The following SORCS2 variants were observed in gnomAD, a reference collection of about 807,000 sequenced individuals.
SORCS2 encodes the protein VPS10 domain-containing receptor SorCS2.
SORCS2 carries 100 observed loss-of-function variants against 141.6 expected under a neutral mutation model. The observed-to-expected ratio is 0.71, with a 90% CI of 0.60 to 0.83. The LOEUF is 0.83. SORCS2 is among the 40% of genes least tolerant of loss of function. SORCS2 has a pLI of 0.00. For missense variants in SORCS2, 1,646 were observed against 1,560.2 expected (o/e 1.05, Z -0.93); for synonymous variants, 789 against 676.9 (o/e 1.17, Z -2.57).
chr4:7,600,575 A>G (rs10002560), intron 3 of SORCS2, among the ~76,000 whole-genome samples: 54,112 of 151,530 alleles, frequency 0.36, 10,280 homozygotes, highest in African/African-American at 0.43. Context: ...CTCTGGGGAA[A>G]CCTGGGAGCA....
At chr4:7,594,400 C>T (rs746230272) in intron 3 of SORCS2, among the ~76,000 whole-genome samples, 8 of 152,248 alleles carry the variant, frequency 5.3e-5, no homozygotes, top group Admixed American at 1.3e-4. Context: ...CCTCAGCACA[C>T]ACACATAGCC....
At chr4:7,397,583 C>T (rs56871120) in intron 2 of SORCS2, among the ~76,000 whole-genome samples, 3,886 of 152,080 alleles carry the variant, frequency 0.026, 158 homozygotes, top group African/African-American at 0.089. Flanking sequence ...CCTGCCACGG[C>T]CCCCCGTTGC....
intron 2 of SORCS2, among the ~76,000 whole-genome samples, chr4:7,406,522 A>G (rs1007215660): frequency 2.6e-5 from 4 of 151,628 alleles, no homozygotes; most frequent in African/African-American, 9.7e-5. Context: ...GTTTGTTGGC[A>G]TATAGTTGTT....
chr4:7,736,122 C>T lies in SORCS2; in HGVS notation c.3312-947C>T, dbSNP rs572939762. Reference sequence around the variant, plus strand: ...TGGCCTGAGGCTTTAGGCTCTGGTGCGGCCTGTGCCCTCGGGAGCTCCCGG... The same window carrying T: ...TGGCCTGAGGCTTTAGGCTCTGGTGTGGCCTGTGCCCTCGGGAGCTCCCGG... On this transcript the variant is annotated intron_variant, in intron 25 of 26. Transcript: ENST00000507866. Among the ~76,000 whole-genome samples, 7 of 152,370 alleles carry T rather than the reference C, an allele frequency of 4.6e-5. 1 individual carries two copies. In the South Asian group the frequency reaches 1.2e-3, roughly 27 times the overall value.
In SORCS2 at chr4:7,509,523, G is replaced by A. The variant is rs532142258; in HGVS notation, c.549-22007G>A. On this transcript the variant is annotated intron_variant, in intron 2 of 26. Transcript: ENST00000507866. Reference sequence around the variant, plus strand: ...GACATTTCCATGTCCATACTCACCCGCACTCGCCACTCACGGGAGGACTCT... The same window carrying A: ...GACATTTCCATGTCCATACTCACCCACACTCGCCACTCACGGGAGGACTCT... 1.5e-4 allele frequency among the ~76,000 whole-genome samples: 23 copies of A among 152,268 alleles called. No individual in the cohort carries two copies. In the East Asian group the frequency reaches 3.1e-3, roughly 20 times the overall value.
At chr4:7,712,284 T>G (rs773935155) in intron 14 of SORCS2, among the ~76,000 whole-genome samples, 1 of 152,196 alleles carries the variant, frequency 6.6e-6, no homozygotes, top group Non-Finnish European at 1.5e-5. Context: ...CACGGAACCC[T>G]CACACGGTCA....
At chr4:7,706,080 T>TGTCTGGGCAGGGATGAGGCTGGGCTCC (rs1725425215) in intron 14 of SORCS2, among the ~76,000 whole-genome samples, 1 of 64,710 alleles carries the variant, frequency 1.5e-5, no homozygotes, top group African/African-American at 5.1e-5. Context: ...GGCTGGGCTC[T>TGTCTGGGCAGGGATGAGGCTGGGCTCC]GCCTGGACAG....
chr4:7,582,990 T>G (rs1415927638), intron 3 of SORCS2, among the ~76,000 whole-genome samples: 1 of 149,650 alleles, frequency 6.7e-6, no homozygotes, highest in Non-Finnish European at 1.5e-5. Context: ...ACTTGGCACA[T>G]AGTAGCTGTT....
At chr4:7,355,467 G>A (rs1247921253) in intron 1 of SORCS2, among the ~76,000 whole-genome samples, 1 of 152,084 alleles carries the variant, frequency 6.6e-6, no homozygotes, top group Non-Finnish European at 1.5e-5. Context: ...TTGTTAACGC[G>A]GTCAGTCAGA....
At chr4:7,668,447 G>A (rs1722620993) in intron 8 of SORCS2, among the ~76,000 whole-genome samples, 1 of 152,112 alleles carries the variant, frequency 6.6e-6, no homozygotes, top group Non-Finnish European at 1.5e-5. Context: ...CAGAGCAGGC[G>A]CTAAGACCCT....
chr4:7,554,102 A>C (rs1333761557), intron 3 of SORCS2, among the ~76,000 whole-genome samples: 2 of 10,160 alleles, frequency 2.0e-4, no homozygotes, highest in East Asian at 0.25. Flanking sequence ...AGGCCAAAAA[A>C]TCATACGGAA....
chr4:7,708,694 C>G (rs1489054858), intron 14 of SORCS2, among the ~76,000 whole-genome samples: 1 of 152,204 alleles, frequency 6.6e-6, no homozygotes, highest in Admixed American at 6.5e-5. Context: ...AGTGAGCGCC[C>G]CACTGCATAC....
chr4:7,434,974 C>T (rs77191210), intron 2 of SORCS2: 250,595 of 1,418,846 alleles, frequency 0.18, 22,941 homozygotes, highest in Middle Eastern at 0.26. Flanking sequence ...CACGGAAGGG[C>T]GGCCCCACCT....
At chr4:7,431,249 G>C (rs971250135) in intron 2 of SORCS2, 1 of 152,346 alleles carries the variant, frequency 6.6e-6, no homozygotes, top group African/African-American at 2.4e-5. Context: ...CTGGTACCCA[G>C]GCCCAAGGGG....
In SORCS2 at chr4:7,582,920, G is replaced by A. The variant is rs575526388; in HGVS notation, c.648+51291G>A. On this transcript the variant is annotated intron_variant, in intron 3 of 26. Coordinates refer to ENST00000507866, the MANE Select transcript of SORCS2 (RefSeq NM_020777.3). ...CCCTCTCTACTGATTGGCTTCTCTTGGGTCAGATCCCCACCCACCGTGGGC... is the reference window on the plus strand; with the variant it reads ...CCCTCTCTACTGATTGGCTTCTCTTAGGTCAGATCCCCACCCACCGTGGGC... 3.3e-5 allele frequency among the ~76,000 whole-genome samples: 5 copies of A among 152,212 alleles called. No homozygotes were observed. In the South Asian group the frequency reaches 8.3e-4, roughly 25 times the overall value.
chr4:7,285,034 A>T (rs57274498), intron 1 of SORCS2, among the ~76,000 whole-genome samples: 6 of 80,004 alleles, frequency 7.5e-5, no homozygotes, highest in African/African-American at 2.4e-4. Context: ...ATATATATAT[A>T]TATTTTTTTT....
At chr4:7,252,226 G>T (rs561360762) in intron 1 of SORCS2, among the ~76,000 whole-genome samples, 7 of 152,332 alleles carry the variant, frequency 4.6e-5, no homozygotes. Context: ...GCAGGAGAGT[G>T]GGAGGGCAGG....
At chr4:7,216,017 C>T (rs1728329581) in intron 1 of SORCS2, among the ~76,000 whole-genome samples, 1 of 152,016 alleles carries the variant, frequency 6.6e-6, no homozygotes, top group African/African-American at 2.4e-5. Flanking sequence ...TCGCTCTTTG[C>T]AATAAATCTT....
chr4:7,545,652 C>G (rs1713199433), intron 3 of SORCS2, among the ~76,000 whole-genome samples: 1 of 152,172 alleles, frequency 6.6e-6, no homozygotes, highest in Admixed American at 6.5e-5. Flanking sequence ...TCTCTGAGAC[C>G]CAAACCCAGA....
Sources: allele counts gnomAD v4.1 joint callset (sites outside exome capture counted in the v4.1 genomes callset), GRCh38; gene constraint gnomAD v4.1.1; transcripts MANE v1.5; gene names NCBI Gene and HGNC (gene_info 2026-07-23, HGNC 2026-07-21).